The following IL34 variants were observed in gnomAD, a reference collection of about 807,000 sequenced individuals.
The protein encoded by IL34 is interleukin 34, also known as interleukin-34.
Under a neutral mutation model 25.3 loss-of-function variants are expected in IL34, and 17 were observed. That is an observed-to-expected ratio of 0.67 (90% CI 0.46 to 1.01). The LOEUF (loss-of-function observed/expected upper bound fraction) is 1.01, where lower values mean the gene tolerates loss of function less well. Ranked by LOEUF, IL34 falls within the 50% of genes least tolerant of loss-of-function variation. The pLI is 0.00. For missense variants in IL34, 368 were observed against 312.9 expected (o/e 1.18, Z -1.33); for synonymous variants, 174 against 140.9 (o/e 1.23, Z -1.66).
At chr16:70,596,505 G>A (rs541194461) in intron 1 of IL34, among the ~76,000 whole-genome samples, 16 of 152,176 alleles carry the variant, frequency 1.1e-4, no homozygotes, top group African/African-American at 2.6e-4. Flanking sequence ...TTCTCCCCAC[G>A]TCTTCCTCCC....
In IL34 at chr16:70,660,343, C is replaced by T; in HGVS notation, c.*156C>T. The T allele has an allele frequency of 1.5e-6, 1 of 649,110 alleles. No individual in the cohort carries two copies. Among genetic ancestry groups the T allele is most frequent in the Non-Finnish European group, 2.5e-6 (1 of 403,158 alleles). 40.2% of individuals were successfully genotyped at this position (649,110 alleles called of 1,614,324 possible). On this transcript the variant is annotated 3_prime_UTR_variant, in exon 6 of 6. Transcript: ENST00000288098. ...CTTTGAGGGGGATTCTGTGCCACAG[C>T]AGGGCTCAGCTTCCTGCCTTCCATA...
chr16:70,604,323 G>A (rs2050963922), intron 1 of IL34, among the ~76,000 whole-genome samples: 1 of 152,094 alleles, frequency 6.6e-6, no homozygotes, highest in African/African-American at 2.4e-5. Flanking sequence ...CTCACAAGTG[G>A]GGACCTCTGC....
intron 1 of IL34, among the ~76,000 whole-genome samples, chr16:70,637,431 C>G (rs2051680175): frequency 6.6e-6 from 1 of 151,974 alleles, no homozygotes; most frequent in Admixed American, 6.6e-5. Flanking sequence ...TCACTGCAAC[C>G]TCTGCCTCTC....
intron 1 of IL34, among the ~76,000 whole-genome samples, chr16:70,585,999 A>G (rs2050690562): frequency 6.6e-6 from 1 of 151,594 alleles, no homozygotes; most frequent in South Asian, 2.1e-4. Flanking sequence ...ATGCCCGGCT[A>G]ATTTTTGTAT....
intron 1 of IL34, among the ~76,000 whole-genome samples, chr16:70,602,941 G>C (rs1419238371): frequency 1.3e-5 from 2 of 151,980 alleles, no homozygotes; most frequent in Non-Finnish European, 2.9e-5. Flanking sequence ...ATGAGTCCAT[G>C]TTTCACGGCC....
chr16:70,589,497 T>C (rs1395627086), intron 1 of IL34, among the ~76,000 whole-genome samples: 1 of 152,178 alleles, frequency 6.6e-6, no homozygotes, highest in Non-Finnish European at 1.5e-5. Flanking sequence ...AGTATTTGGT[T>C]TTCTGCTCTG....
intron 1 of IL34, among the ~76,000 whole-genome samples, chr16:70,624,069 A>AGAAGATCTGG (rs776428462): frequency 1.4e-4 from 22 of 152,018 alleles, no homozygotes; most frequent in African/African-American, 2.4e-4. Flanking sequence ...CGCTAAGCCG[A>AGAAGATCTGG]GAAGGAGTCA....
At chr16:70,634,027 T>A (rs2051581551) in intron 1 of IL34, among the ~76,000 whole-genome samples, 1 of 152,012 alleles carries the variant, frequency 6.6e-6, no homozygotes, top group Non-Finnish European at 1.5e-5. Flanking sequence ...ATTTTTGTAT[T>A]TTTAGTAGAG....
chr16:70,656,616 C>A lies in IL34; in HGVS notation c.177C>A (p.Pro59=). ...TGCCTCTCCAGAAACACTACTTCCCCATCAACTACAAGATCAGTGTGCCTT... is the reference window on the plus strand; with the variant it reads ...TGCCTCTCCAGAAACACTACTTCCCAATCAACTACAAGATCAGTGTGCCTT... ...SRLQYMKHYF[P]INYKISVPYE... The change falls in exon 3 of 6, where the codon CCC becomes CCA. Residue 59 remains proline (P), a synonymous_variant. Coordinates refer to ENST00000288098, the MANE Select transcript of IL34 (RefSeq NM_001393494.1). The A allele has an allele frequency of 7.2e-7, 1 of 1,383,998 alleles. No individual in the cohort carries two copies. The highest frequency in any genetic ancestry group is 1.0e-6 in the Non-Finnish European group (1 of 969,576). The allele number at this position is 1,383,998 out of a possible 1,614,324, so 85.7% of individuals were successfully genotyped here.
upstream of IL34, among the ~76,000 whole-genome samples, chr16:70,645,476 C>G (rs557574484): frequency 2.0e-5 from 3 of 152,300 alleles, no homozygotes; most frequent in East Asian, 1.9e-4. Context: ...AGAACTAAAT[C>G]AGAGACGGAA....
intron 1 of IL34, among the ~76,000 whole-genome samples, chr16:70,619,701 T>C (rs1353849758): frequency 2.0e-5 from 3 of 152,190 alleles, no homozygotes. Flanking sequence ...TACAGGGCTT[T>C]CGAGGCGATC....
upstream of IL34, among the ~76,000 whole-genome samples, chr16:70,642,293 TC>T (rs2051804060): frequency 1.4e-5 from 2 of 142,394 alleles, no homozygotes; most frequent in South Asian, 4.5e-4. Context: ...TACTCTGATG[TC>T]TTTTTTTTTT....
At chr16:70,648,415 T>C (rs1014519280) in intron 1 of IL34, among the ~76,000 whole-genome samples, 9 of 151,462 alleles carry the variant, frequency 5.9e-5, no homozygotes, top group African/African-American at 2.2e-4. Context: ...TAGCCAGGTG[T>C]GGTGGCATAC....
intron 1 of IL34, among the ~76,000 whole-genome samples, chr16:70,633,148 A>G (rs984858941): frequency 2.7e-5 from 4 of 149,006 alleles, no homozygotes; most frequent in Non-Finnish European, 5.9e-5. Flanking sequence ...TATTTTTAGT[A>G]GAGACAGGGT....
At position 70,659,962 on chromosome 16, in the gene IL34, C is replaced by A. The variant is rs927551998; in HGVS notation, c.539-35C>A. 5.2e-6 allele frequency: 8 copies of A among 1,529,312 alleles called. No individual in the cohort carries two copies. In the African/African-American group the frequency reaches 1.1e-4, roughly 21 times the overall value. The allele number at this position is 1,529,312 out of a possible 1,614,324, so 94.7% of individuals were successfully genotyped here. On this transcript the variant is annotated intron_variant, in intron 5 of 5. Coordinates refer to ENST00000288098, the MANE Select transcript of IL34 (RefSeq NM_001393494.1). ...GTGGGGAGGGTGGTCTTGAACACTG[C>A]TGCAGTCTTTTTTTTTTTCCCCTAT...
intron 1 of IL34, among the ~76,000 whole-genome samples, chr16:70,586,092 A>G (rs983180736): frequency 2.6e-5 from 4 of 152,074 alleles, no homozygotes; most frequent in Non-Finnish European, 5.9e-5. Flanking sequence ...TTGGCCTCCC[A>G]AAGTGCTGGG....
At chr16:70,659,521 G>A (rs1227498042) in intron 4 of IL34, 97 bp from the exon 5 acceptor site, 31 of 1,423,088 alleles carry the variant, frequency 2.2e-5, no homozygotes, top group African/African-American at 5.7e-5. Context: ...TCCTTCTTCC[G>A]GGGTTTGGGC....
intron 1 of IL34, among the ~76,000 whole-genome samples, chr16:70,631,869 A>G (rs188987572): frequency 9.5e-4 from 144 of 152,152 alleles, no homozygotes; most frequent in South Asian, 3.7e-3. Flanking sequence ...GAAGATAATA[A>G]TATTGATCCC....
chr16:70,604,327 C>A (rs1039445771), intron 1 of IL34, among the ~76,000 whole-genome samples: 1 of 152,172 alleles, frequency 6.6e-6, no homozygotes, highest in African/African-American at 2.4e-5. Context: ...CAAGTGGGGA[C>A]CTCTGCAAAC....
Sources: allele counts gnomAD v4.1 joint callset (sites outside exome capture counted in the v4.1 genomes callset), GRCh38; gene constraint gnomAD v4.1.1; transcripts MANE v1.5; gene names NCBI Gene and HGNC (gene_info 2026-07-23, HGNC 2026-07-21).